The following LHFPL3 variants were observed in gnomAD, a reference collection of about 807,000 sequenced individuals.
LHFPL3 encodes the protein LHFPL tetraspan subfamily member 3 protein.
A neutral mutation model predicts 19.3 loss-of-function variants in LHFPL3; 5 were observed. The ratio of observed to expected loss-of-function variants is 0.26; its 90% CI spans 0.14 to 0.54. LHFPL3 has a LOEUF of 0.54. LHFPL3 is among the 20% of genes least tolerant of loss of function. LHFPL3 has a pLI of 0.94. For missense variants in LHFPL3, 249 were observed against 307.4 expected (o/e 0.81, Z 1.42); for synonymous variants, 133 against 126.2 (o/e 1.05, Z -0.36).
chr7:104,589,690 C>T (rs1355538576), intron 1 of LHFPL3, among the ~76,000 whole-genome samples: 1 of 152,134 alleles, frequency 6.6e-6, no homozygotes. Context: ...AGGCATGGTA[C>T]CAGCTCCTCT....
intron 1 of LHFPL3, among the ~76,000 whole-genome samples, chr7:104,368,969 CTTAT>C (rs1168999562): frequency 6.6e-6 from 1 of 152,168 alleles, no homozygotes; most frequent in East Asian, 1.9e-4. Flanking sequence ...CTTCTATAAA[CTTAT>C]TTTATATTCA....
intron 1 of LHFPL3, among the ~76,000 whole-genome samples, chr7:104,402,448 C>T (rs111563126): frequency 3.3e-5 from 5 of 152,222 alleles, no homozygotes; most frequent in Middle Eastern, 6.8e-3. Flanking sequence ...AGAATTTCAT[C>T]GAGCCTTATA....
intron 1 of LHFPL3, among the ~76,000 whole-genome samples, chr7:104,505,680 G>A: frequency 6.6e-6 from 1 of 152,180 alleles, no homozygotes; most frequent in East Asian, 1.9e-4. Context: ...TAAGCACAAA[G>A]TGATGAATGA....
chr7:104,433,054 GTTTATATGGTTTAT>G (rs1484170245), intron 1 of LHFPL3, among the ~76,000 whole-genome samples: 1 of 152,054 alleles, frequency 6.6e-6, no homozygotes, highest in Non-Finnish European at 1.5e-5. Flanking sequence ...AAAGAGCTTT[GTTTATATGGTTTAT>G]ATATAGACAT....
intron 2 of LHFPL3, among the ~76,000 whole-genome samples, chr7:104,868,671 G>A (rs1232626055): frequency 2.4e-4 from 37 of 151,982 alleles, no homozygotes; most frequent in Middle Eastern, 3.4e-3. Flanking sequence ...TATAGATTCA[G>A]TGCCATCCCC....
At position 104,908,243 on chromosome 7, in the gene LHFPL3, A is replaced by C. The variant is rs1177343816; in HGVS notation, c.*2028A>C. On this transcript the variant is annotated 3_prime_UTR_variant, in exon 3 of 3. Coordinates refer to ENST00000424859, the MANE Select transcript of LHFPL3 (RefSeq NM_199000.3). ...TTCCTATCCACATGTGAATGTTTTAAAAAAGTTTTTGCCATAAAACCTAAG... is the reference window on the plus strand; with the variant it reads ...TTCCTATCCACATGTGAATGTTTTACAAAAGTTTTTGCCATAAAACCTAAG... 2.0e-5 allele frequency among the ~76,000 whole-genome samples: 3 copies of C among 152,230 alleles called. No individual in the cohort carries two copies. Among genetic ancestry groups the C allele is most frequent in the Non-Finnish European group, 4.4e-5 (3 of 68,020 alleles).
At chr7:104,465,476 T>C (rs895782276) in intron 1 of LHFPL3, among the ~76,000 whole-genome samples, 1 of 152,220 alleles carries the variant, frequency 6.6e-6, no homozygotes, top group Non-Finnish European at 1.5e-5. Flanking sequence ...AATAAAGACA[T>C]ACCCAAGACT....
chr7:104,450,866 C>T (rs1269246140), intron 1 of LHFPL3, among the ~76,000 whole-genome samples: 2 of 152,184 alleles, frequency 1.3e-5, no homozygotes, highest in Non-Finnish European at 2.9e-5. Context: ...CATGACTTCC[C>T]TATGAATGTC....
At chr7:104,737,012 T>C (rs774464424) in intron 2 of LHFPL3, 101 bp downstream of exon 2, 30 of 866,394 alleles carry the variant, frequency 3.5e-5, no homozygotes, top group Non-Finnish European at 5.1e-5. Context: ...CCTGAGGTTC[T>C]AATTTGCTGC....
chr7:104,453,920 G>A (rs75675090), intron 1 of LHFPL3, among the ~76,000 whole-genome samples: 1,567 of 152,296 alleles, frequency 0.01, 38 homozygotes, highest in African/African-American at 0.035. Context: ...TGGAAGCAGA[G>A]CAGATGCCAG....
chr7:104,900,422 A>G (rs1378427395), intron 2 of LHFPL3, among the ~76,000 whole-genome samples: 2 of 152,232 alleles, frequency 1.3e-5, no homozygotes, highest in Non-Finnish European at 2.9e-5. Flanking sequence ...TCAAAGTCTC[A>G]TTGTCCACTG....
At chr7:104,564,732 C>T (rs79528409) in intron 1 of LHFPL3, among the ~76,000 whole-genome samples, 6,575 of 152,152 alleles carry the variant, frequency 0.043, 436 homozygotes, top group African/African-American at 0.15. Flanking sequence ...TCAGGATGGG[C>T]CCATTTCCCT....
At chr7:104,442,803 A>G (rs185534852) in intron 1 of LHFPL3, among the ~76,000 whole-genome samples, 1 of 152,350 alleles carries the variant, frequency 6.6e-6, no homozygotes, top group African/African-American at 2.4e-5. Context: ...TTTTCAAAGT[A>G]TATCACTAGA....
chr7:104,628,409 T>C (rs186059258), intron 1 of LHFPL3, among the ~76,000 whole-genome samples: 1 of 152,320 alleles, frequency 6.6e-6, no homozygotes, highest in Non-Finnish European at 1.5e-5. Context: ...CCTCAGATAC[T>C]GGCAAATAAA....
At chr7:104,739,335 A>G (rs774802516) in intron 2 of LHFPL3, among the ~76,000 whole-genome samples, 14 of 152,216 alleles carry the variant, frequency 9.2e-5, no homozygotes, top group South Asian at 2.1e-4. Flanking sequence ...GGAAAGACCA[A>G]TCAGTAGTTG....
intron 1 of LHFPL3, among the ~76,000 whole-genome samples, chr7:104,484,992 A>T (rs533180393): frequency 6.6e-6 from 1 of 152,188 alleles, no homozygotes; most frequent in Non-Finnish European, 1.5e-5. Context: ...CATTCCAAGC[A>T]TAGCAGAGGG....
intron 1 of LHFPL3, among the ~76,000 whole-genome samples, chr7:104,631,808 G>A (rs961300140): frequency 9.2e-5 from 14 of 152,280 alleles, no homozygotes; most frequent in African/African-American, 3.4e-4. Context: ...CTAAGAAAAA[G>A]GGGGCATAGA....
At position 104,338,728 on chromosome 7, in the gene LHFPL3, A is replaced by T. The variant is rs552949010; in HGVS notation, c.445+9504A>T. On this transcript the variant is annotated intron_variant, in intron 1 of 2. Coordinates refer to ENST00000424859, the MANE Select transcript of LHFPL3 (RefSeq NM_199000.3). ...TTTTATTGCTAATGTATTATCCCCA[A>T]TTAAATTGTAGGTTGATTGAAAATT... Among the ~76,000 whole-genome samples, 4 of 152,066 alleles carry T rather than the reference A, an allele frequency of 2.6e-5. No homozygotes were observed. The South Asian group carries it at 6.2e-4, about 24-fold the overall frequency.
intron 1 of LHFPL3, among the ~76,000 whole-genome samples, chr7:104,658,779 G>T (rs188609982): frequency 6.6e-6 from 1 of 152,140 alleles, no homozygotes; most frequent in Non-Finnish European, 1.5e-5. Context: ...GACAGAGCGA[G>T]ACTTCATCTC....
Sources: allele counts gnomAD v4.1 joint callset (sites outside exome capture counted in the v4.1 genomes callset), GRCh38; gene constraint gnomAD v4.1.1; transcripts MANE v1.5; gene names NCBI Gene and HGNC (gene_info 2026-07-23, HGNC 2026-07-21).